The following KIF5C variants were observed in gnomAD, a reference collection of about 807,000 sequenced individuals.
KIF5C encodes kinesin heavy chain isoform 5C.
Under a neutral mutation model 125.2 loss-of-function variants are expected in KIF5C, and 18 were observed. That is an observed-to-expected ratio of 0.14 (90% CI 0.10 to 0.21). The LOEUF (loss-of-function observed/expected upper bound fraction) is 0.21. Among genes scored for constraint, KIF5C ranks in the 10% least tolerant of loss-of-function variants. The pLI, the probability that KIF5C is intolerant of heterozygous loss-of-function variation, is 1.00. For missense variants in KIF5C, 780 were observed against 1,183.8 expected, an observed-to-expected ratio of 0.66 and a Z score of 5.01; for synonymous variants, 405 against 434.0, an observed-to-expected ratio of 0.93 and a Z score of 0.83.
In KIF5C at chr2:149,000,888, G is replaced by A; in HGVS notation, c.2373+106G>A. The A allele has an allele frequency of 1.9e-6, 3 of 1,541,548 alleles. No individual in the cohort carries two copies. The East Asian group carries it at 6.8e-5, about 35-fold the overall frequency. Reference sequence around the variant, plus strand: ...ATCCATGCACACCTTTCTGTGTAATGTTTTAGATAAGACATTCTATGGAAA... The same window carrying A: ...ATCCATGCACACCTTTCTGTGTAATATTTTAGATAAGACATTCTATGGAAA... On this transcript the variant is annotated intron_variant, in intron 21 of 25. Transcript: ENST00000435030.
rs146996473 is a variant in KIF5C, at chr2:148,934,554, T to TACAC, written c.292-2713_292-2710dup. Among the ~76,000 whole-genome samples, 19 of 143,248 alleles carry TACAC rather than the reference T, an allele frequency of 1.3e-4. No homozygotes were observed. The South Asian group carries it at 1.4e-3, about 10-fold the overall frequency. 94.0% of individuals were successfully genotyped at this position (143,248 alleles called of 152,430 possible). ...ATATCACACACACAACACACACGCA[T>TACAC]ACACACACACACACACACACTCTGC... On this transcript the variant is annotated intron_variant, in intron 3 of 25. Coordinates refer to ENST00000435030, the MANE Select transcript of KIF5C (RefSeq NM_004522.3).
intron 1 of KIF5C, among the ~76,000 whole-genome samples, chr2:148,914,280 A>C (rs1466112702): frequency 6.6e-6 from 1 of 152,210 alleles, no homozygotes; most frequent in Non-Finnish European, 1.5e-5. Context: ...AAAGGAGTTC[A>C]CTGTATTTTG....
chr2:148,950,494 T>C, intron 10 of KIF5C, 32 bp downstream of exon 10: 1 of 1,601,570 alleles, frequency 6.2e-7, no homozygotes, highest in Non-Finnish European at 8.5e-7. Flanking sequence ...CCATCCTCTG[T>C]GCTAGGTCTT....
At chr2:148,969,889 G>T (rs908258467) in intron 11 of KIF5C, among the ~76,000 whole-genome samples, 17 of 152,148 alleles carry the variant, frequency 1.1e-4, no homozygotes, top group African/African-American at 2.7e-4. Context: ...GACGCTTCTG[G>T]AAGTCATTTT....
intron 1 of KIF5C, among the ~76,000 whole-genome samples, chr2:148,919,928 T>C (rs1020187776): frequency 1.3e-5 from 2 of 152,322 alleles, no homozygotes; most frequent in Non-Finnish European, 2.9e-5. Flanking sequence ...GCAACTTCTG[T>C]TTGGGAGTTA....
intron 1 of KIF5C, among the ~76,000 whole-genome samples, chr2:148,901,183 A>T (rs1472156958): frequency 6.6e-6 from 1 of 152,224 alleles, no homozygotes; most frequent in Admixed American, 6.5e-5. Flanking sequence ...GTAAATAAAA[A>T]ATAAAGCAAT....
chr2:148,900,019 GCTGCCC>G (rs1408574063), intron 1 of KIF5C, among the ~76,000 whole-genome samples: 1 of 152,222 alleles, frequency 6.6e-6, no homozygotes, highest in Non-Finnish European at 1.5e-5. Flanking sequence ...AAGGTTGGTA[GCTGCCC>G]CAGAGTCGGG....
At chr2:148,966,657 T>C (rs779362193) in intron 11 of KIF5C, among the ~76,000 whole-genome samples, 2 of 152,160 alleles carry the variant, frequency 1.3e-5, no homozygotes, top group South Asian at 4.1e-4. Context: ...GCTTGATGCA[T>C]GCTATAGATT....
At chr2:148,967,605 A>C (rs1680772442) in intron 11 of KIF5C, among the ~76,000 whole-genome samples, 2 of 152,124 alleles carry the variant, frequency 1.3e-5, no homozygotes, top group African/African-American at 4.8e-5. Context: ...TTTTCTAAGA[A>C]TGGGTGTCGA....
intron 1 of KIF5C, among the ~76,000 whole-genome samples, chr2:148,880,133 T>C (rs1430968582): frequency 6.6e-6 from 1 of 152,236 alleles, no homozygotes; most frequent in Non-Finnish European, 1.5e-5. Context: ...TTTTTTTTTT[T>C]TCTTTGAGAC....
chr2:148,890,043 C>T (rs929803241), intron 1 of KIF5C, among the ~76,000 whole-genome samples: 14 of 152,152 alleles, frequency 9.2e-5, no homozygotes, highest in African/African-American at 3.1e-4. Flanking sequence ...TAGGTTTAGT[C>T]ACTCAAATAC....
At chr2:148,990,124 C>A (rs934325986) in intron 15 of KIF5C, among the ~76,000 whole-genome samples, 5 of 152,360 alleles carry the variant, frequency 3.3e-5, no homozygotes, top group Middle Eastern at 3.4e-3. Flanking sequence ...CACACAGTTA[C>A]TTGCTCATTT....
chr2:148,991,223 T>TG (rs1261472207), intron 16 of KIF5C, 25 bp downstream of exon 16: 24 of 1,608,616 alleles, frequency 1.5e-5, no homozygotes, highest in Middle Eastern at 1.9e-4. Flanking sequence ...TCCCCATCAT[T>TG]GCACTCTTGT....
chr2:148,902,342 T>C, intron 1 of KIF5C, among the ~76,000 whole-genome samples: 1 of 151,790 alleles, frequency 6.6e-6, no homozygotes, highest in East Asian at 1.9e-4. Flanking sequence ...TTTGAAATAG[T>C]GTCTTGCTCT....
At chr2:148,936,980 C>T (rs1682305341) in intron 3 of KIF5C, among the ~76,000 whole-genome samples, 1 of 152,148 alleles carries the variant, frequency 6.6e-6, no homozygotes, top group Non-Finnish European at 1.5e-5. Context: ...CCTCCTCACC[C>T]CACACTAGCC....
intron 10 of KIF5C, among the ~76,000 whole-genome samples, chr2:148,961,059 C>T (rs1386813195): frequency 6.6e-6 from 1 of 152,168 alleles, no homozygotes; most frequent in East Asian, 1.9e-4. Flanking sequence ...CCAGGTACAT[C>T]CCTGTGGCAT....
intron 3 of KIF5C, 82 bp downstream of exon 3, chr2:148,929,436 T>G: frequency 1.2e-6 from 1 of 843,262 alleles, no homozygotes; most frequent in Non-Finnish European, 1.9e-6. Flanking sequence ...GAGGTGCATG[T>G]GGCTTTCTTT....
intron 16 of KIF5C, among the ~76,000 whole-genome samples, chr2:148,991,894 A>G (rs1448999441): frequency 6.6e-6 from 1 of 152,144 alleles, no homozygotes; most frequent in Non-Finnish European, 1.5e-5. Context: ...TGGCATTTTC[A>G]GTTTAATAAG....
At chr2:148,894,066 T>C (rs1003349230) in intron 1 of KIF5C, among the ~76,000 whole-genome samples, 2 of 152,162 alleles carry the variant, frequency 1.3e-5, no homozygotes, top group African/African-American at 4.8e-5. Flanking sequence ...GACAAGTGAT[T>C]GAATAGTACT....
Sources: gnomAD v4.1 joint callset for allele counts (sites outside exome capture counted in the v4.1 genomes callset) on GRCh38, gnomAD v4.1.1 for gene constraint, MANE v1.5 for transcripts, NCBI Gene and HGNC (gene_info 2026-07-23, HGNC 2026-07-21) for gene names.